The following MAGI1 variants were observed in gnomAD, a reference collection of about 807,000 sequenced individuals.
MAGI1 encodes membrane associated guanylate kinase, WW and PDZ domain containing 1, also known as membrane-associated guanylate kinase, WW and PDZ domain-containing protein 1.
A neutral mutation model predicts 139.9 loss-of-function variants in MAGI1; 58 were observed. The ratio of observed to expected loss-of-function variants is 0.41; its 90% CI spans 0.34 to 0.52. MAGI1 has a LOEUF of 0.52. Ranked by LOEUF, MAGI1 falls within the 20% of genes least tolerant of loss-of-function variation. The probability of loss-of-function intolerance (pLI) is 0.12; values close to 1 mark genes in which losing one functional copy is unlikely to be tolerated. For synonymous variants in MAGI1, 812 were observed against 737.9 expected, an observed-to-expected ratio of 1.10 and a Z score of -1.63; for missense variants, 1,874 against 1,901.6, an observed-to-expected ratio of 0.99 and a Z score of 0.27.
intron 2 of MAGI1, among the ~76,000 whole-genome samples, chr3:65,517,427 A>T (rs2077958816): frequency 6.6e-6 from 1 of 152,172 alleles, no homozygotes; most frequent in African/African-American, 2.4e-5. Flanking sequence ...TCTGCTGGTT[A>T]TTAAACTAGT....
intron 4 of MAGI1, among the ~76,000 whole-genome samples, chr3:65,476,280 A>G (rs1474304249): frequency 6.6e-6 from 1 of 152,190 alleles, no homozygotes; most frequent in Non-Finnish European, 1.5e-5. Flanking sequence ...CATCACGTGC[A>G]TATCTCAAGG....
At chr3:65,949,195 T>C (rs943117831) in intron 1 of MAGI1, among the ~76,000 whole-genome samples, 3 of 152,204 alleles carry the variant, frequency 2.0e-5, no homozygotes, top group African/African-American at 7.2e-5. Context: ...ATCAGAAACC[T>C]TCCCATCACC....
At chr3:65,494,159 G>A (rs559507287) in intron 2 of MAGI1, among the ~76,000 whole-genome samples, 2 of 152,274 alleles carry the variant, frequency 1.3e-5, no homozygotes, top group Non-Finnish European at 1.5e-5. Flanking sequence ...TGAGATCTGT[G>A]GTTGGACATC....
intron 1 of MAGI1, among the ~76,000 whole-genome samples, chr3:65,729,120 C>CTG (rs2033924656): frequency 1.6e-5 from 1 of 60,882 alleles, no homozygotes; most frequent in Non-Finnish European, 3.5e-5. Flanking sequence ...AAAAATGGAA[C>CTG]GGGGGGGGGG....
At chr3:66,015,048 G>T (rs1314089592) in intron 1 of MAGI1, among the ~76,000 whole-genome samples, 1 of 151,696 alleles carries the variant, frequency 6.6e-6, no homozygotes, top group Non-Finnish European at 1.5e-5. Flanking sequence ...CCCTCACCCA[G>T]CACCCTCTCC....
intron 1 of MAGI1, among the ~76,000 whole-genome samples, chr3:66,007,979 C>T (rs1481356206): frequency 6.6e-6 from 1 of 151,012 alleles, no homozygotes. Context: ...TCACTGCAAC[C>T]TCCGCCTCCC....
intron 1 of MAGI1, among the ~76,000 whole-genome samples, chr3:65,719,720 A>AT (rs1406995119): frequency 6.6e-6 from 1 of 151,838 alleles, no homozygotes; most frequent in African/African-American, 2.4e-5. Flanking sequence ...TAATTTTTGT[A>AT]TTTTTTTGTA....
rs543445983 is a variant in MAGI1, at chr3:65,365,022, C to G, written c.3197-76G>C. The G allele has an allele frequency of 7.7e-5, 84 of 1,084,780 alleles. 1 individual carries two copies. In the East Asian group the frequency reaches 1.9e-3, roughly 24 times the overall value. 67.2% of individuals were successfully genotyped at this position (1,084,780 alleles called of 1,614,324 possible). On this transcript the variant is annotated intron_variant, in intron 18 of 22. Transcript: ENST00000402939. Reference sequence around the variant, plus strand: ...CTCCAGCCAGGAGGTGTGCAGAAGCCCTGTATCTGAATAACAAGTGTGACT... The same window carrying G: ...CTCCAGCCAGGAGGTGTGCAGAAGCGCTGTATCTGAATAACAAGTGTGACT...
intron 12 of MAGI1, among the ~76,000 whole-genome samples, chr3:65,418,541 T>G (rs1273093218): frequency 1.3e-5 from 2 of 152,178 alleles, no homozygotes; most frequent in African/African-American, 4.8e-5. Context: ...TTCTCACCTA[T>G]GTTGCATCCC....
intron 1 of MAGI1, among the ~76,000 whole-genome samples, chr3:65,757,817 T>C (rs1315958992): frequency 2.0e-5 from 3 of 151,790 alleles, no homozygotes; most frequent in Non-Finnish European, 4.4e-5. Flanking sequence ...TACTCATTTC[T>C]GCTTTCTCTG....
At chr3:65,364,637 A>G (rs760528531) in intron 20 of MAGI1, 28 bp downstream of exon 20, 3 of 1,601,158 alleles carry the variant, frequency 1.9e-6, no homozygotes, top group Admixed American at 3.3e-5. Flanking sequence ...CGTGCAAAGT[A>G]TAGAGAAAAA....
rs149024558 is a variant in MAGI1, at chr3:66,000,713, C to A, written c.313+37283G>T. ...GCAGGACTCAGCACAAGGGGCTTGG[C>A]CCAACATGGGCAGTTAATGGGTGTT... On this transcript the variant is annotated intron_variant, in intron 1 of 22. Transcript: ENST00000402939. 7.1e-3 allele frequency among the ~76,000 whole-genome samples: 1,077 copies of A among 152,356 alleles called. 6 individuals are homozygous for A. The highest frequency in any genetic ancestry group is 0.012 in the Non-Finnish European group (820 of 68,032).
chr3:65,920,878 A>G (rs2062145291), intron 1 of MAGI1, among the ~76,000 whole-genome samples: 2 of 151,992 alleles, frequency 1.3e-5, no homozygotes, highest in Non-Finnish European at 2.9e-5. Context: ...AAAATACAAA[A>G]AGTAGCTGGG....
At chr3:65,979,031 A>T (rs751551321) in intron 1 of MAGI1, among the ~76,000 whole-genome samples, 3 of 150,324 alleles carry the variant, frequency 2.0e-5, no homozygotes, top group Non-Finnish European at 4.4e-5. Flanking sequence ...ACGTTTTTTT[A>T]AAATTCTGGA....
Position 65,902,256 on chromosome 3 carries a change from C to G in MAGI1, c.313+135740G>C, listed in dbSNP as rs75344879. The stretch of plus-strand genomic sequence containing the variant: ...TCGCAATTGTGTCTGCCTAGAGAAT[C>G]AGGTTCCTGAACACTGCTCCCACCT... On this transcript the variant is annotated intron_variant, in intron 1 of 22. Transcript: ENST00000402939. Among the ~76,000 whole-genome samples, 14 of 152,286 alleles carry G rather than the reference C, an allele frequency of 9.2e-5. No individual in the cohort carries two copies. In the East Asian group the frequency reaches 2.5e-3, roughly 27 times the overall value.
intron 2 of MAGI1, among the ~76,000 whole-genome samples, chr3:65,560,111 TAGGATAAA>T (rs1454605536): frequency 6.6e-6 from 1 of 152,160 alleles, no homozygotes. Flanking sequence ...TCCATATATA[TAGGATAAA>T]ATATTTAATA....
chr3:65,841,053 T>C (rs529719119), intron 1 of MAGI1, among the ~76,000 whole-genome samples: 3 of 152,310 alleles, frequency 2.0e-5, no homozygotes, highest in East Asian at 1.9e-4. Flanking sequence ...AGTCATGAAA[T>C]TGATATGCGC....
At chr3:65,597,925 T>TGC (rs1553676915) in intron 2 of MAGI1, 1 of 371,046 alleles carries the variant, frequency 2.7e-6, no homozygotes, top group Non-Finnish European at 5.4e-6. Context: ...GAGGCGGGGG[T>TGC]GGGGGGGGGG....
intron 1 of MAGI1, among the ~76,000 whole-genome samples, chr3:65,712,830 C>T (rs754180269): frequency 2.0e-5 from 3 of 152,150 alleles, no homozygotes; most frequent in Non-Finnish European, 4.4e-5. Context: ...CAACAAATGA[C>T]CTAAATAGCA....
Sources: gnomAD v4.1 joint callset for allele counts (sites outside exome capture counted in the v4.1 genomes callset) on GRCh38, gnomAD v4.1.1 for gene constraint, MANE v1.5 for transcripts, NCBI Gene and HGNC (gene_info 2026-07-23, HGNC 2026-07-21) for gene names.